The following SCGB2B2 variants were observed in gnomAD, a reference collection of about 807,000 sequenced individuals.
The protein encoded by SCGB2B2 is secretoglobin-like protein.
In SCGB2B2, 11 loss-of-function variants were observed where a neutral mutation model predicts 7.6. The observed-to-expected ratio is 1.45, with a 90% CI of 0.91 to 2.40. The LOEUF is 2.40. Ranked by LOEUF, SCGB2B2 falls within the 30% of genes most tolerant of loss-of-function variation. The pLI, the probability that SCGB2B2 is intolerant of heterozygous loss-of-function variation, is 0.00. For missense variants in SCGB2B2, 104 were observed against 115.4 expected (o/e 0.90, Z 0.45); for synonymous variants, 50 against 48.6 (o/e 1.03, Z -0.12).
At chr19:34,622,675 A>C (rs2066271108) in intron 1 of SCGB2B2, among the ~76,000 whole-genome samples, 1 of 152,196 alleles carries the variant, frequency 6.6e-6, no homozygotes, top group South Asian at 2.1e-4. Flanking sequence ...AGACTTTCTC[A>C]GTTGGGGCAC....
chr19:34,605,887 C>A (rs1039689382), intron 1 of SCGB2B2, among the ~76,000 whole-genome samples: 1 of 152,210 alleles, frequency 6.6e-6, no homozygotes, highest in South Asian at 2.1e-4. Flanking sequence ...AGCCACTGCA[C>A]CCGGCTAATC....
At chr19:34,648,866 TTGG>T (rs578244905) in intron 1 of SCGB2B2, among the ~76,000 whole-genome samples, 2,990 of 106,764 alleles carry the variant, frequency 0.028, 99 homozygotes, top group African/African-American at 0.1. Context: ...CAGTTTCTCT[TTGG>T]ATTGTTCTTT....
At chr19:34,664,295 G>A (rs2067549284) in intron 1 of SCGB2B2, among the ~76,000 whole-genome samples, 1 of 152,210 alleles carries the variant, frequency 6.6e-6, no homozygotes, top group African/African-American at 2.4e-5. Flanking sequence ...CCCAAGGCCA[G>A]ACTACAGTGG....
chr19:34,669,639 G>C (rs1471669760), intron 1 of SCGB2B2, among the ~76,000 whole-genome samples: 3 of 149,244 alleles, frequency 2.0e-5, no homozygotes, highest in African/African-American at 7.5e-5. Context: ...GCTGAGCTTA[G>C]TTCCTGATAC....
At chr19:34,602,334 T>C (rs2065648949) in intron 1 of SCGB2B2, among the ~76,000 whole-genome samples, 1 of 152,220 alleles carries the variant, frequency 6.6e-6, no homozygotes, top group South Asian at 2.1e-4. Flanking sequence ...TATAATCTCA[T>C]TGACTTTGCT....
intron 1 of SCGB2B2, among the ~76,000 whole-genome samples, chr19:34,655,714 C>T (rs910942408): frequency 1.3e-5 from 2 of 151,308 alleles, no homozygotes; most frequent in African/African-American, 2.5e-5. Flanking sequence ...GGTTCACAGG[C>T]TTATGGCTGT....
At chr19:34,658,652 A>C (rs2067352510) in intron 1 of SCGB2B2, among the ~76,000 whole-genome samples, 1 of 152,132 alleles carries the variant, frequency 6.6e-6, no homozygotes, top group Non-Finnish European at 1.5e-5. Flanking sequence ...ATGGATTCAC[A>C]GCCGAATTCT....
chr19:34,593,620 A>G, intron 3 of SCGB2B2, 21 bp from the exon 4 acceptor site: 1 of 1,550,196 alleles, frequency 6.5e-7, no homozygotes, highest in Non-Finnish European at 8.7e-7. Context: ...AAGAAGAAAG[A>G]GAGGAGCCGG....
chr19:34,594,271 G>C lies in SCGB2B2; in HGVS notation c.150C>G (p.Tyr50Ter). The C allele has an allele frequency of 1.2e-6, 2 of 1,614,060 alleles. No homozygotes were observed. Among genetic ancestry groups the C allele is most frequent in the South Asian group, 1.1e-5 (1 of 91,074 alleles). Residue 50 changes from tyrosine (Y) to a stop codon, truncating the protein, a stop_gained, in exon 3 of 4, where the codon TAC (tyrosine) becomes TAG (stop). Coordinates refer to ENST00000601241, the MANE Select transcript of SCGB2B2 (RefSeq NM_001025591.4). LOFTEE classifies it high-confidence loss of function. The stretch of plus-strand genomic sequence containing the variant: ...ACTCCTCTGTCAGGGGACTGGGGTT[G>C]TAACGAGCAAGCTCCTCCTTCAGGA... ...QDLLKEELAR[Y>*]NPSPLTEESF...
chr19:34,614,717 G>A (rs539953281), intron 1 of SCGB2B2, among the ~76,000 whole-genome samples: 1 of 152,224 alleles, frequency 6.6e-6, no homozygotes, highest in Non-Finnish European at 1.5e-5. Context: ...CTGTACATCT[G>A]GTGGAACAAT....
chr19:34,621,850 G>T (rs1456224615), intron 1 of SCGB2B2, among the ~76,000 whole-genome samples: 1 of 152,130 alleles, frequency 6.6e-6, no homozygotes. Flanking sequence ...GTCCTCCTTG[G>T]CTGCATAGGT....
rs2145724628 is a variant in SCGB2B2, at chr19:34,592,051, T to C, written c.*1504A>G. Among the ~76,000 whole-genome samples the C allele has an allele frequency of 6.6e-6, 1 of 152,092 alleles. No homozygotes were observed. Among genetic ancestry groups the C allele is most frequent in the South Asian group, 2.1e-4 (1 of 4,810 alleles). ...CTGAGTGGATGGGTGATGACTGGGA[T>C]GGAAAGTGCATTAAATGAGGCCAAT... On this transcript the variant is annotated 3_prime_UTR_variant, in exon 4 of 4. Coordinates refer to ENST00000601241, the MANE Select transcript of SCGB2B2 (RefSeq NM_001025591.4).
rs1285696762 is a variant in SCGB2B2, at chr19:34,654,376, G to C, written c.-2032+21254C>G. 1.3e-5 allele frequency among the ~76,000 whole-genome samples: 2 copies of C among 151,180 alleles called. 1 individual carries two copies. Among genetic ancestry groups the C allele is most frequent in the African/African-American group, 4.9e-5 (2 of 40,500 alleles). On this transcript the variant is annotated intron_variant, in intron 1 of 3. Coordinates refer to ENST00000601241, the MANE Select transcript of SCGB2B2 (RefSeq NM_001025591.4). The stretch of plus-strand genomic sequence containing the variant: ...AATGAGAGACCATCAGGCTAGGATA[G>C]AGGAGCCTTAATTTGGCCAAAGTAC...
chr19:34,643,605 C>T (rs530229094), intron 1 of SCGB2B2, among the ~76,000 whole-genome samples: 1 of 152,234 alleles, frequency 6.6e-6, no homozygotes, highest in African/African-American at 2.4e-5. Context: ...ATGATAAATA[C>T]TCCAAGCGAT....
intron 1 of SCGB2B2, among the ~76,000 whole-genome samples, chr19:34,622,259 A>G (rs2066261462): frequency 6.6e-6 from 1 of 152,140 alleles, no homozygotes; most frequent in African/African-American, 2.4e-5. Context: ...TGCTACATAG[A>G]GACTGAATGT....
intron 1 of SCGB2B2, chr19:34,634,814 G>A (rs11879929): frequency 0.48 from 110,638 of 231,716 alleles, 27,423 homozygotes; most frequent in African/African-American, 0.63. Context: ...TAGATTTAAC[G>A]CTGAAGGCTT....
Position 34,621,963 on chromosome 19 carries a change from C to T in SCGB2B2, c.-2031-25369G>A, listed in dbSNP as rs370664895. Reference sequence around the variant, plus strand: ...GGTTTTTTTAACTGGACTGTAGATTCCTCTAACAGCAGAGCCTGATCTTTG... The same window carrying T: ...GGTTTTTTTAACTGGACTGTAGATTTCTCTAACAGCAGAGCCTGATCTTTG... On this transcript the variant is annotated intron_variant, in intron 1 of 3. Transcript: ENST00000601241. 5.1e-4 allele frequency among the ~76,000 whole-genome samples: 77 copies of T among 152,260 alleles called. 2 individuals are homozygous for T. The South Asian group carries it at 0.016, about 32-fold the overall frequency.
At chr19:34,612,022 CTTTTT>C (rs753968261) in intron 1 of SCGB2B2, among the ~76,000 whole-genome samples, 6 of 41,766 alleles carry the variant, frequency 1.4e-4, no homozygotes, top group African/African-American at 4.3e-4. Context: ...TTAGAAAATT[CTTTTT>C]TTTTTTTTTT....
At chr19:34,593,670 C>A in intron 3 of SCGB2B2, 71 bp from the exon 4 acceptor site, 1 of 1,301,540 alleles carries the variant, frequency 7.7e-7, no homozygotes, top group Non-Finnish European at 1.1e-6. Context: ...TCGTTATTGC[C>A]CGGTCCCCGA....
Sources: gnomAD v4.1 joint callset for allele counts (sites outside exome capture counted in the v4.1 genomes callset) on GRCh38, gnomAD v4.1.1 for gene constraint, MANE v1.5 for transcripts, NCBI Gene and HGNC (gene_info 2026-07-23, HGNC 2026-07-21) for gene names.